Variants in UBE2K observed in about 807,000 individuals in gnomAD.
The protein encoded by UBE2K is ubiquitin-conjugating enzyme E2 K.
In UBE2K, 6 loss-of-function variants were observed where a neutral mutation model predicts 30.0. The ratio of observed to expected loss-of-function variants is 0.20; its 90% CI spans 0.11 to 0.39. The LOEUF is 0.39. Among genes scored for constraint, UBE2K ranks in the 10% least tolerant of loss-of-function variants. The pLI is 1.00. For missense variants in UBE2K, 61 were observed against 241.6 expected (o/e 0.25, Z 4.96); for synonymous variants, 86 against 83.7 (o/e 1.03, Z -0.15).
chr4:39,714,542 A>ATTT (rs1275060030), intron 1 of UBE2K: 10 of 20,190 alleles, frequency 5.0e-4, no homozygotes, highest in African/African-American at 2.5e-3. Context: ...ATATATATAT[A>ATTT]TATATATATT....
intron 1 of UBE2K, among the ~76,000 whole-genome samples, chr4:39,720,748 G>A (rs899849519): frequency 2.6e-5 from 4 of 152,100 alleles, no homozygotes; most frequent in African/African-American, 9.7e-5. Context: ...ATGTATATAT[G>A]TTTTTATTTA....
Position 39,776,050 on chromosome 4 carries a change from C to G in UBE2K, c.399+1117C>G, listed in dbSNP as rs1005118530. Among the ~76,000 whole-genome samples the G allele has an allele frequency of 2.0e-5, 3 of 152,194 alleles. 1 individual carries two copies. Among genetic ancestry groups the G allele is most frequent in the African/African-American group, 7.2e-5 (3 of 41,444 alleles). ...TTGATAAAATGTTTAGGCTTGCCCT[C>G]TCTCCTAAGCACGAGAGCCTGGTGT... On this transcript the variant is annotated intron_variant, in intron 5 of 6. Coordinates refer to ENST00000261427, the MANE Select transcript of UBE2K (RefSeq NM_005339.5).
intron 5 of UBE2K, among the ~76,000 whole-genome samples, chr4:39,775,889 G>A (rs1316797271): frequency 6.6e-6 from 1 of 151,348 alleles, no homozygotes; most frequent in Non-Finnish European, 1.5e-5. Flanking sequence ...GCTGTTCTTT[G>A]TTAGTTCCCA....
chr4:39,712,115 C>T (rs1158880308), intron 1 of UBE2K, among the ~76,000 whole-genome samples: 1 of 147,986 alleles, frequency 6.8e-6, no homozygotes, highest in Non-Finnish European at 1.5e-5. Flanking sequence ...AACGTAGTTA[C>T]TTGAAACCGC....
chr4:39,762,963 T>TTTTTG, intron 4 of UBE2K, among the ~76,000 whole-genome samples: 1 of 124,872 alleles, frequency 8.0e-6, no homozygotes, highest in African/African-American at 3.0e-5. Context: ...TTTTTTTTTT[T>TTTTTG]GGAGACTGTC....
chr4:39,778,323 T>G, intron 6 of UBE2K, 37 bp from the exon 7 acceptor site: 19 of 1,361,406 alleles, frequency 1.4e-5, no homozygotes, highest in Non-Finnish European at 1.9e-5. Flanking sequence ...AATGTTTCCT[T>G]GAGATTTAAT....
chr4:39,744,935 TA>T (rs199608186), intron 2 of UBE2K, among the ~76,000 whole-genome samples: 1 of 149,512 alleles, frequency 6.7e-6, no homozygotes, highest in Admixed American at 6.6e-5. Context: ...TTAAATAAAA[TA>T]AATAAATAAA....
intron 4 of UBE2K, among the ~76,000 whole-genome samples, chr4:39,761,861 A>AT (rs922242067): frequency 8.5e-4 from 125 of 147,380 alleles, no homozygotes; most frequent in East Asian, 3.7e-3. Flanking sequence ...TATAGTATTC[A>AT]TTTTTTTTTT....
At chr4:39,735,166 T>G (rs73240677) in intron 1 of UBE2K, among the ~76,000 whole-genome samples, 15,863 of 152,260 alleles carry the variant, frequency 0.1, 1,082 homozygotes, top group East Asian at 0.21. Flanking sequence ...TGCCTCCAAT[T>G]TTCTTTTAAC....
In UBE2K at chr4:39,774,943, C is replaced by A. The variant is rs1713194796; in HGVS notation, c.399+10C>A. The A allele has an allele frequency of 6.3e-7, 1 of 1,581,404 alleles. No individual in the cohort carries two copies. The highest frequency in any genetic ancestry group is 8.6e-7 in the Non-Finnish European group (1 of 1,159,386). On this transcript the variant is annotated intron_variant, in intron 5 of 6. Coordinates refer to ENST00000261427, the MANE Select transcript of UBE2K (RefSeq NM_005339.5). ...TGTAGTAGCAAATCAGGTAAGATGG[C>A]CGCTTTTGAAAGACTTTCTTATATT... is the stretch of plus-strand genomic sequence containing the variant.
intron 4 of UBE2K, among the ~76,000 whole-genome samples, chr4:39,764,818 G>C (rs1712206708): frequency 6.6e-6 from 1 of 152,016 alleles, no homozygotes; most frequent in African/African-American, 2.4e-5. Flanking sequence ...CGTCACAATA[G>C]GAAGACAGTG....
At chr4:39,738,207 A>G in intron 2 of UBE2K, among the ~76,000 whole-genome samples, 1 of 152,234 alleles carries the variant, frequency 6.6e-6, no homozygotes. Context: ...ATTAATAACT[A>G]TTCAAATATT....
chr4:39,699,828 A>G (rs1299652222), intron 1 of UBE2K, among the ~76,000 whole-genome samples: 1 of 152,202 alleles, frequency 6.6e-6, no homozygotes, highest in African/African-American at 2.4e-5. Flanking sequence ...TTTACAGAGC[A>G]TGTGTATGAA....
intron 1 of UBE2K, among the ~76,000 whole-genome samples, chr4:39,725,401 A>C (rs897525684): frequency 1.3e-5 from 2 of 150,428 alleles, no homozygotes; most frequent in Non-Finnish European, 3.0e-5. Context: ...AAAAAAAAAA[A>C]AAAAACACCT....
Position 39,702,316 on chromosome 4 carries a change from G to A in UBE2K, c.63+3926G>A, listed in dbSNP as rs546698831. Among the ~76,000 whole-genome samples the A allele has an allele frequency of 9.1e-5, 12 of 132,354 alleles. No homozygotes were observed. In the East Asian group the frequency reaches 2.1e-3, roughly 23 times the overall value. The allele number at this position is 132,354 out of a possible 152,430, so 86.8% of individuals were successfully genotyped here. On this transcript the variant is annotated intron_variant, in intron 1 of 6. Coordinates refer to ENST00000261427, the MANE Select transcript of UBE2K (RefSeq NM_005339.5). ...GTTGCCCAGGCTGGAGTGCAATGGC[G>A]CGATCTTGGCTCACCCCAACCTCCG...
At chr4:39,771,419 C>CTTCA in intron 4 of UBE2K, 2 of 1,608,328 alleles carry the variant, frequency 1.2e-6, no homozygotes, top group South Asian at 2.2e-5. Flanking sequence ...AAGCGCAGGA[C>CTTCA]TTCACCCCAG....
intron 4 of UBE2K, among the ~76,000 whole-genome samples, chr4:39,756,454 TTTTG>T (rs565960887): frequency 6.6e-6 from 1 of 152,188 alleles, no homozygotes; most frequent in Non-Finnish European, 1.5e-5. Flanking sequence ...TTGCTTTTGT[TTTTG>T]TTTGTTTGTT....
Position 39,782,407 on chromosome 4 carries a change from A to G in UBE2K, c.*3973A>G, listed in dbSNP as rs1392036542. On this transcript the variant is annotated 3_prime_UTR_variant, in exon 7 of 7. Coordinates refer to ENST00000261427, the MANE Select transcript of UBE2K (RefSeq NM_005339.5). ...AAAATGAAATATTATTGAAAATAATATCTATTTTTTAGCTTTCAGCAATTG... is the reference window on the plus strand; with the variant it reads ...AAAATGAAATATTATTGAAAATAATGTCTATTTTTTAGCTTTCAGCAATTG... 1 of 154,238 alleles carries G rather than the reference A, an allele frequency of 6.5e-6. No individual in the cohort carries two copies. Among genetic ancestry groups the G allele is most frequent in the Non-Finnish European group, 1.4e-5 (1 of 69,422 alleles). 9.6% of individuals were successfully genotyped at this position (154,238 alleles called of 1,614,324 possible).
chr4:39,712,487 T>C (rs888942294), intron 1 of UBE2K, among the ~76,000 whole-genome samples: 2 of 151,456 alleles, frequency 1.3e-5, no homozygotes, highest in Admixed American at 1.3e-4. Flanking sequence ...TGGAGTACAG[T>C]AGCACAATCT....
Sources: allele counts gnomAD v4.1 joint callset (sites outside exome capture counted in the v4.1 genomes callset), GRCh38; gene constraint gnomAD v4.1.1; transcripts MANE v1.5; gene names NCBI Gene and HGNC (gene_info 2026-07-23, HGNC 2026-07-21).